Variants in SLFN12 observed in about 807,000 individuals in gnomAD.
The protein encoded by SLFN12 is ribonuclease SLFN12.
In SLFN12, 25 loss-of-function variants were observed where a neutral mutation model predicts 29.1. The observed-to-expected ratio is 0.86, with a 90% confidence interval of 0.63 to 1.20. The LOEUF (loss-of-function observed/expected upper bound fraction) is 1.20, where lower values mean the gene tolerates loss of function less well. SLFN12 is among the 50% of genes most tolerant of loss of function. The pLI, the probability that SLFN12 is intolerant of heterozygous loss-of-function variation, is 0.00. For synonymous variants in SLFN12, 257 were observed against 238.7 expected (o/e 1.08, Z -0.71); for missense variants, 660 against 666.2 (o/e 0.99, Z 0.10).
At chr17:35,419,686 T>G (rs1467315088) in intron 3 of SLFN12, among the ~76,000 whole-genome samples, 1 of 152,120 alleles carries the variant, frequency 6.6e-6, no homozygotes, top group Non-Finnish European at 1.5e-5. Flanking sequence ...GGGAGTAACA[T>G]GACCTATCTA....
At chr17:35,414,483 G>A (rs556987806) in intron 3 of SLFN12, among the ~76,000 whole-genome samples, 1 of 152,146 alleles carries the variant, frequency 6.6e-6, no homozygotes, top group East Asian at 1.9e-4. Flanking sequence ...TGGAAAGATA[G>A]CTTGTGTTCA....
intron 1 of SLFN12, among the ~76,000 whole-genome samples, chr17:35,429,971 C>A (rs1912214397): frequency 6.6e-6 from 1 of 151,954 alleles, no homozygotes; most frequent in East Asian, 1.9e-4. Flanking sequence ...CTGGCCTGAC[C>A]ATAGAGCACT....
At chr17:35,425,143 A>G (rs752788171) in intron 1 of SLFN12, among the ~76,000 whole-genome samples, 12 of 151,944 alleles carry the variant, frequency 7.9e-5, no homozygotes, top group Non-Finnish European at 1.2e-4. Context: ...AAAATAAAAT[A>G]AGAATTGGCT....
In SLFN12 at chr17:35,411,343, T is replaced by C. The variant is rs763561817; in HGVS notation, c.1732A>G (p.Thr578Ala). ...GTAGCCCAGTCCATTTTCCATCAGGTGAGCCTTCGACAAGATTTAAACATC... is the reference window on the plus strand; with the variant it reads ...GTAGCCCAGTCCATTTTCCATCAGGCGAGCCTTCGACAAGATTTAAACATC... ...KKMFKSCRRL[T>A] Residue 578 changes from threonine to alanine, a missense_variant, in exon 4 of 4, where the codon ACC becomes GCC. Coordinates refer to ENST00000304905, the MANE Select transcript of SLFN12 (RefSeq NM_018042.5). The C allele has an allele frequency of 4.2e-5, 64 of 1,530,450 alleles. No homozygotes were observed. The highest frequency in any genetic ancestry group is 5.4e-5 in the Non-Finnish European group (62 of 1,140,806). 94.8% of individuals were successfully genotyped at this position (1,530,450 alleles called of 1,614,324 possible). A position where few individuals can be genotyped will look rare whatever the true frequency, so the allele number is the denominator to read the frequency against.
rs1911729469 is a variant in SLFN12, at chr17:35,422,443, A to G, written c.586T>C (p.Leu196=). The G allele has an allele frequency of 1.9e-6, 3 of 1,612,532 alleles. No individual in the cohort carries two copies. Among genetic ancestry groups the G allele is most frequent in the Non-Finnish European group, 2.5e-6 (3 of 1,179,636 alleles). Residue 196 remains leucine, a synonymous_variant, in exon 2 of 4, where the codon TTG becomes CTG. Coordinates refer to ENST00000304905, the MANE Select transcript of SLFN12 (RefSeq NM_018042.5). ...DRTELDRKEK[L]TFTESTHVEI... is the part of the protein sequence containing the mutation. Reference sequence around the variant, plus strand: ...ACATGTGTGGATTCAGTAAAGGTCAATTTTTCTTTCCGATCAAGTTCTGTT... The same window carrying G: ...ACATGTGTGGATTCAGTAAAGGTCAGTTTTTCTTTCCGATCAAGTTCTGTT...
intron 3 of SLFN12, among the ~76,000 whole-genome samples, chr17:35,415,104 C>T (rs536352051): frequency 1.2e-4 from 18 of 152,180 alleles, no homozygotes; most frequent in African/African-American, 4.3e-4. Flanking sequence ...CATTACCTGA[C>T]TTCAAATTAT....
intron 1 of SLFN12, among the ~76,000 whole-genome samples, chr17:35,427,114 C>A (rs1185898954): frequency 1.3e-5 from 2 of 152,134 alleles, no homozygotes; most frequent in Non-Finnish European, 2.9e-5. Flanking sequence ...TATGCCCCAC[C>A]AATTCCAGGG....
In SLFN12 at chr17:35,422,174, A is replaced by G; in HGVS notation, c.855T>C (p.Tyr285=). ...CATATACTCCAAGGAATTTGCATGA[A>G]TAATTTATCTTCTTCTTCTCCATAC... ...HFCMEKKKIN[Y]SCKFLGVYDK... Residue 285 remains tyrosine (Y), a synonymous_variant, in exon 2 of 4, where the codon TAT becomes TAC. Coordinates refer to ENST00000304905, the MANE Select transcript of SLFN12 (RefSeq NM_018042.5). 6.2e-7 allele frequency: 1 copy of G among 1,614,132 alleles called. No individual in the cohort carries two copies.
chr17:35,411,912 A>T lies in SLFN12; in HGVS notation c.1163T>A (p.Ile388Lys). ...GCAAAGGTTTTCTGGAGTATACGTTATCCTTCCTGATAGCCCTGAATAAGG... is the reference window on the plus strand; with the variant it reads ...GCAAAGGTTTTCTGGAGTATACGTTTTCCTTCCTGATAGCCCTGAATAAGG... The part of the protein sequence containing the change: ...RHHCPGLSGR[I>K]TYTPENLCRK... The change falls in exon 4 of 4, where the codon ATA becomes AAA. Residue 388 changes from isoleucine (I) to lysine (K), a missense_variant. Transcript: ENST00000304905. 1 of 1,599,232 alleles carries T rather than the reference A, an allele frequency of 6.3e-7. No individual in the cohort carries two copies. The highest frequency in any genetic ancestry group is 8.5e-7 in the Non-Finnish European group (1 of 1,174,230).
chr17:35,424,118 T>C (rs964537897), intron 1 of SLFN12, among the ~76,000 whole-genome samples: 8 of 152,194 alleles, frequency 5.3e-5, no homozygotes, highest in African/African-American at 1.9e-4. Context: ...TTAGGATCAC[T>C]GCTTTGCTCT....
chr17:35,426,854 A>T (rs551616085), intron 1 of SLFN12, among the ~76,000 whole-genome samples: 1 of 152,232 alleles, frequency 6.6e-6, no homozygotes, highest in East Asian at 1.9e-4. Flanking sequence ...TCCTCTACAT[A>T]CATGCCTGCT....
intron 1 of SLFN12, among the ~76,000 whole-genome samples, chr17:35,428,620 A>G (rs574100932): frequency 2.0e-5 from 3 of 152,232 alleles, no homozygotes; most frequent in Non-Finnish European, 2.9e-5. Context: ...GCCTGGGTCC[A>G]TAGAAGAAAG....
chr17:35,421,971 C>T lies in SLFN12; in HGVS notation c.1039+19G>A, dbSNP rs781002150. The T allele has an allele frequency of 6.9e-6, 11 of 1,604,864 alleles. No individual in the cohort carries two copies. The South Asian group carries it at 7.8e-5, about 11-fold the overall frequency. Reference sequence around the variant, plus strand: ...ACCCAAGCCAAATGCATTCCTGTTGCGAATCCCCCGCTCTCAACTTGGTTC... The same window carrying T: ...ACCCAAGCCAAATGCATTCCTGTTGTGAATCCCCCGCTCTCAACTTGGTTC... On this transcript the variant is annotated intron_variant, in intron 2 of 3. Coordinates refer to ENST00000304905, the MANE Select transcript of SLFN12 (RefSeq NM_018042.5).
At chr17:35,418,885 T>A (rs1392260927) in intron 3 of SLFN12, among the ~76,000 whole-genome samples, 1 of 152,104 alleles carries the variant, frequency 6.6e-6, no homozygotes, top group East Asian at 1.9e-4. Flanking sequence ...TGTTACTTAC[T>A]GAGACAAGGT....
At chr17:35,421,534 C>CTT (rs770181686) in intron 2 of SLFN12, among the ~76,000 whole-genome samples, 4,480 of 104,224 alleles carry the variant, frequency 0.043, 507 homozygotes, top group African/African-American at 0.15. Flanking sequence ...AGGCAGGGAA[C>CTT]TTTTTTTTTT....
chr17:35,428,809 C>T (rs898075434), intron 1 of SLFN12, among the ~76,000 whole-genome samples: 6 of 152,112 alleles, frequency 3.9e-5, no homozygotes, highest in Non-Finnish European at 1.5e-5. Context: ...AGATGTATAT[C>T]TCTGCCATGC....
At chr17:35,425,126 GA>G (rs1157473421) in intron 1 of SLFN12, among the ~76,000 whole-genome samples, 2 of 151,796 alleles carry the variant, frequency 1.3e-5, no homozygotes, top group African/African-American at 4.8e-5. Flanking sequence ...CATCTCTACA[GA>G]AAAGTAAAAT....
At chr17:35,423,183 A>G (rs959479523) in intron 1 of SLFN12, 115 bp from the exon 2 acceptor site, 2 of 1,201,722 alleles carry the variant, frequency 1.7e-6, no homozygotes, top group Non-Finnish European at 2.2e-6. Context: ...TAGACTGGTA[A>G]GTATATGGAT....
chr17:35,426,346 G>A (rs1056325352), intron 1 of SLFN12, among the ~76,000 whole-genome samples: 1 of 151,896 alleles, frequency 6.6e-6, no homozygotes, highest in African/African-American at 2.4e-5. Flanking sequence ...TCCGCCATTG[G>A]GATGACATCC....
Sources: allele counts gnomAD v4.1 joint callset (sites outside exome capture counted in the v4.1 genomes callset), GRCh38; gene constraint gnomAD v4.1.1; transcripts MANE v1.5; gene names NCBI Gene and HGNC (gene_info 2026-07-23, HGNC 2026-07-21).